CDS1: variants seen among roughly 807,000 people sequenced by gnomAD.
CDS1 encodes the protein CDP-diacylglycerol synthase 1.
A neutral mutation model predicts 62.1 loss-of-function variants in CDS1; 41 were observed. The observed-to-expected ratio is 0.66, with a 90% confidence interval of 0.51 to 0.86. CDS1 has a LOEUF of 0.86. Among genes scored for constraint, CDS1 ranks in the 40% least tolerant of loss-of-function variants. The probability of loss-of-function intolerance (pLI) is 0.00; values close to 1 mark genes in which losing one functional copy is unlikely to be tolerated. For missense variants in CDS1, 470 were observed against 550.1 expected (o/e 0.85, Z 1.46); for synonymous variants, 185 against 192.6 (o/e 0.96, Z 0.32).
chr4:84,635,625 GC>G (rs1724170078), intron 8 of CDS1, among the ~76,000 whole-genome samples: 30 of 53,536 alleles, frequency 5.6e-4, no homozygotes, highest in African/African-American at 1.2e-3. Flanking sequence ...CTGCCTGCCT[GC>G]CTTCCTTCCT....
intron 3 of CDS1, among the ~76,000 whole-genome samples, chr4:84,612,114 G>A (rs1723342771): frequency 6.6e-6 from 1 of 150,702 alleles, no homozygotes; most frequent in Non-Finnish European, 1.5e-5. Flanking sequence ...GTGGCTAGAA[G>A]TGTGCCACTT....
intron 5 of CDS1, among the ~76,000 whole-genome samples, chr4:84,628,327 A>G (rs572037354): frequency 6.6e-6 from 1 of 152,194 alleles, no homozygotes; most frequent in Non-Finnish European, 1.5e-5. Context: ...GGTGTCTTCA[A>G]CAAGAGCAAG....
chr4:84,635,691 C>CTT, intron 8 of CDS1, among the ~76,000 whole-genome samples: 5 of 127,980 alleles, frequency 3.9e-5, no homozygotes, highest in African/African-American at 1.3e-4. Context: ...TCCTTCCTTC[C>CTT]CTCCTTCCCT....
intron 3 of CDS1, among the ~76,000 whole-genome samples, chr4:84,613,862 G>A (rs567645850): frequency 2.6e-5 from 4 of 152,090 alleles, no homozygotes; most frequent in Admixed American, 1.3e-4. Context: ...CTTTTAATTC[G>A]TGCTATGTAG....
chr4:84,650,340 T>C lies in CDS1; in HGVS notation c.*1654T>C, dbSNP rs1230693944. 6.6e-6 allele frequency: 1 copy of C among 152,084 alleles called. No homozygotes were observed. Among genetic ancestry groups the C allele is most frequent in the African/African-American group, 2.4e-5 (1 of 41,410 alleles). The allele number at this position is 152,084 out of a possible 1,614,324, so 9.4% of individuals were successfully genotyped here. Reference sequence around the variant, plus strand: ...GTGTATCTCACACTATCCATACAAATCTAAAATTGATACTGGAAATGTTAT... The same window carrying C: ...GTGTATCTCACACTATCCATACAAACCTAAAATTGATACTGGAAATGTTAT... On this transcript the variant is annotated 3_prime_UTR_variant, in exon 13 of 13. Transcript: ENST00000295887.
chr4:84,600,988 G>GTGA (rs1277301705), intron 1 of CDS1, among the ~76,000 whole-genome samples: 1 of 151,804 alleles, frequency 6.6e-6, no homozygotes, highest in African/African-American at 2.4e-5. Flanking sequence ...GGGAAACATG[G>GTGA]TGATACACCA....
intron 1 of CDS1, among the ~76,000 whole-genome samples, chr4:84,591,898 A>G (rs1722600700): frequency 6.6e-6 from 1 of 152,184 alleles, no homozygotes; most frequent in Non-Finnish European, 1.5e-5. Flanking sequence ...AATCTATGAA[A>G]TGTTGGCAGC....
At chr4:84,607,745 AAAAG>A in intron 2 of CDS1, among the ~76,000 whole-genome samples, 1 of 151,970 alleles carries the variant, frequency 6.6e-6, no homozygotes, top group Non-Finnish European at 1.5e-5. Flanking sequence ...TTTTTTAAAA[AAAAG>A]GAGTGAGGAC....
chr4:84,647,215 C>G (rs1724583215), intron 12 of CDS1, among the ~76,000 whole-genome samples: 1 of 152,024 alleles, frequency 6.6e-6, no homozygotes, highest in South Asian at 2.1e-4. Context: ...ATTTATAAGA[C>G]AGTTGATAAT....
chr4:84,603,677 CT>C (rs1447418320), intron 1 of CDS1, among the ~76,000 whole-genome samples: 2 of 152,170 alleles, frequency 1.3e-5, no homozygotes, highest in African/African-American at 4.8e-5. Flanking sequence ...TAAATAACTT[CT>C]TTAAAAATCT....
chr4:84,620,231 T>G (rs183122276), intron 5 of CDS1, among the ~76,000 whole-genome samples: 1,785 of 142,596 alleles, frequency 0.013, 26 homozygotes, highest in Non-Finnish European at 0.015. Context: ...TTTTTTTTTT[T>G]TTTTTTTTTG....
At chr4:84,605,326 T>C (rs1411871301) in intron 2 of CDS1, among the ~76,000 whole-genome samples, 1 of 152,204 alleles carries the variant, frequency 6.6e-6, no homozygotes, top group African/African-American at 2.4e-5. Flanking sequence ...TTCTATGTTA[T>C]TGAACAAAAA....
At chr4:84,585,873 A>G (rs989079301) in intron 1 of CDS1, among the ~76,000 whole-genome samples, 3 of 152,208 alleles carry the variant, frequency 2.0e-5, no homozygotes, top group African/African-American at 7.2e-5. Context: ...TGCAGGAGAC[A>G]TATATGAGTT....
intron 1 of CDS1, among the ~76,000 whole-genome samples, chr4:84,594,037 C>T (rs1722673942): frequency 6.6e-6 from 1 of 152,104 alleles, no homozygotes; most frequent in Admixed American, 6.5e-5. Context: ...ATTTTACATA[C>T]CTCACATAGC....
chr4:84,646,921 A>G (rs1485258839), intron 12 of CDS1, among the ~76,000 whole-genome samples: 1 of 152,142 alleles, frequency 6.6e-6, no homozygotes, highest in Non-Finnish European at 1.5e-5. Flanking sequence ...TAGTTCTACC[A>G]ATTTTTGGTT....
chr4:84,639,037 G>T, intron 9 of CDS1, 45 bp downstream of exon 9: 1 of 902,062 alleles, frequency 1.1e-6, no homozygotes, highest in South Asian at 2.1e-5. Context: ...TTCGAAATAT[G>T]ATACCAAGCT....
At chr4:84,637,223 G>A (rs1285388223) in intron 8 of CDS1, among the ~76,000 whole-genome samples, 1 of 152,176 alleles carries the variant, frequency 6.6e-6, no homozygotes, top group Non-Finnish European at 1.5e-5. Context: ...AGTTTCTAAA[G>A]CTTGAATACA....
intron 2 of CDS1, among the ~76,000 whole-genome samples, chr4:84,607,161 T>A (rs1723122464): frequency 6.6e-6 from 1 of 152,156 alleles, no homozygotes; most frequent in Admixed American, 6.5e-5. Flanking sequence ...AAAATGTATG[T>A]TGTTGGTATG....
intron 1 of CDS1, among the ~76,000 whole-genome samples, chr4:84,588,294 G>A (rs1057347290): frequency 2.0e-5 from 3 of 152,090 alleles, no homozygotes; most frequent in Admixed American, 2.0e-4. Flanking sequence ...ATCAGTTAAC[G>A]TCTCTCCTCC....
Sources: allele counts gnomAD v4.1 joint callset (sites outside exome capture counted in the v4.1 genomes callset), GRCh38; gene constraint gnomAD v4.1.1; transcripts MANE v1.5; gene names NCBI Gene and HGNC (gene_info 2026-07-23, HGNC 2026-07-21).